Variants in UNC79 observed in about 807,000 individuals in gnomAD.
UNC79 encodes protein unc-79 homolog.
In UNC79, 37 loss-of-function variants were observed where a neutral mutation model predicts 283.1. The ratio of observed to expected loss-of-function variants is 0.13; its 90% CI spans 0.10 to 0.17. UNC79 has a LOEUF of 0.17. UNC79 is among the 10% of genes least tolerant of loss of function. The pLI is 1.00. For missense variants in UNC79, 2,272 were observed against 3,211.1 expected (o/e 0.71, Z 7.07); for synonymous variants, 1,107 against 1,200.2 (o/e 0.92, Z 1.61).
intron 7 of UNC79, among the ~76,000 whole-genome samples, chr14:93,498,806 C>T (rs2059149941): frequency 6.6e-6 from 1 of 152,024 alleles, no homozygotes; most frequent in South Asian, 2.1e-4. Context: ...AAGAAGAAAC[C>T]TATGGCTAAT....
chr14:93,428,086 G>A (rs963898370), upstream of UNC79, among the ~76,000 whole-genome samples: 5 of 152,066 alleles, frequency 3.3e-5, no homozygotes, highest in Admixed American at 2.6e-4. Context: ...AAGAGATAAA[G>A]CAATTATAAT....
intron 1 of UNC79, among the ~76,000 whole-genome samples, chr14:93,408,789 G>A (rs543744014): frequency 7.1e-4 from 108 of 152,300 alleles, no homozygotes; most frequent in African/African-American, 2.4e-3. Context: ...GTTAGTAATG[G>A]GAAAAACTTG....
intron 1 of UNC79, among the ~76,000 whole-genome samples, chr14:93,460,733 T>G (rs989461748): frequency 2.0e-5 from 3 of 152,014 alleles, no homozygotes; most frequent in Non-Finnish European, 4.4e-5. Context: ...ATTAAAGATG[T>G]GTGCACATCT....
intron 1 of UNC79, among the ~76,000 whole-genome samples, chr14:93,355,466 G>C (rs2054067449): frequency 6.6e-6 from 1 of 152,146 alleles, no homozygotes; most frequent in Non-Finnish European, 1.5e-5. Context: ...CAAACTGCTG[G>C]GATTACAGGC....
intron 26 of UNC79, 57 bp from the exon 27 acceptor site, chr14:93,604,839 T>C: frequency 6.7e-7 from 1 of 1,482,754 alleles, no homozygotes; most frequent in Non-Finnish European, 9.0e-7. Context: ...GAGTATATTT[T>C]CTAGGCTCCA....
chr14:93,572,883 A>T (rs1274996582), intron 16 of UNC79, 67 bp downstream of exon 16: 2 of 1,574,574 alleles, frequency 1.3e-6, no homozygotes, highest in Non-Finnish European at 1.7e-6. Context: ...AGATCCCTGG[A>T]TCGAGAGAGT....
rs1238089927 is a variant in UNC79 at position 93,621,502 on chromosome 14, C to G, written c.4388-119C>G. 6.3e-6 allele frequency: 8 copies of G among 1,272,718 alleles called. No individual in the cohort carries two copies. Among genetic ancestry groups the G allele is most frequent in the Admixed American group, 2.9e-5 (1 of 34,502 alleles). 78.8% of individuals were successfully genotyped at this position (1,272,718 alleles called of 1,614,324 possible). A position where few individuals can be genotyped will look rare whatever the true frequency, so the allele number is the denominator to read the frequency against. The stretch of plus-strand genomic sequence containing the variant: ...AAAACTTGGCCAGAAAGTTCGTTTT[C>G]CCTCCTGGTGGAGCTGGGATTGTGA... On this transcript the variant is annotated intron_variant, in intron 29 of 48. Transcript: ENST00000555664. The surrounding 1 kb of genome is among the most constrained non-coding windows in gnomAD (Gnocchi z 4.8).
chr14:93,479,971 CTTCTTAGGAAT>C (rs1182887849), intron 4 of UNC79, among the ~76,000 whole-genome samples: 8 of 152,348 alleles, frequency 5.3e-5, no homozygotes, highest in African/African-American at 1.4e-4. Flanking sequence ...TAAATCCCTC[CTTCTTAGGAAT>C]AAGTTAATAA....
chr14:93,549,641 AC>A (rs1232440196), intron 14 of UNC79, among the ~76,000 whole-genome samples: 4 of 152,242 alleles, frequency 2.6e-5, no homozygotes, highest in Admixed American at 1.3e-4. Context: ...CAGCCTCTGA[AC>A]CAGAATAGAT....
chr14:93,632,348 A>G (rs2068094457), intron 31 of UNC79, among the ~76,000 whole-genome samples: 1 of 152,236 alleles, frequency 6.6e-6, no homozygotes, highest in South Asian at 2.1e-4. Context: ...CAATTTTATG[A>G]CCACATACTA....
intron 41 of UNC79, among the ~76,000 whole-genome samples, chr14:93,674,199 C>T (rs1217684828): frequency 6.6e-6 from 1 of 152,028 alleles, no homozygotes; most frequent in African/African-American, 2.4e-5. Flanking sequence ...GGATCCCACC[C>T]CTTATGATGT....
intron 1 of UNC79, among the ~76,000 whole-genome samples, chr14:93,405,009 G>A (rs2055197797): frequency 6.6e-6 from 1 of 152,002 alleles, no homozygotes; most frequent in African/African-American, 2.4e-5. Context: ...AGAGTCGGGA[G>A]GGGTGGTTCA....
At chr14:93,466,812 T>C (rs2057204826) in intron 1 of UNC79, 1 of 981,634 alleles carries the variant, frequency 1.0e-6, no homozygotes, top group African/African-American at 1.8e-5. Context: ...TCCTTGGGAT[T>C]TGCAAAGAGG....
In UNC79 at chr14:93,550,528, A is replaced by AAAAAAAG. The variant is rs2061830593; in HGVS notation, c.1755+7838_1755+7839insGAAAAAA. Among the ~76,000 whole-genome samples, 2 of 6,884 alleles carry AAAAAAAG rather than the reference A, an allele frequency of 2.9e-4. 1 individual carries two copies. The highest frequency in any genetic ancestry group is 8.4e-4 in the African/African-American group (2 of 2,376). The allele number at this position is 6,884 out of a possible 152,430, so 4.5% of individuals were successfully genotyped here. A position where few individuals can be genotyped will look rare whatever the true frequency, so the allele number is the denominator to read the frequency against. Reference sequence around the variant, plus strand: ...AGACTCCGTATCAAAAAAAAAAAAAAAAAAAAAAAAAAAGAGGAAGGAGTC... The same window carrying AAAAAAAG: ...AGACTCCGTATCAAAAAAAAAAAAAAAAAAAAGAAAAAAAAAAAAAGAGGAAGGAGTC... On this transcript the variant is annotated intron_variant, in intron 14 of 48. Coordinates refer to ENST00000555664, the Ensembl canonical transcript of UNC79.
chr14:93,658,006 T>C (rs1158843108), intron 38 of UNC79, among the ~76,000 whole-genome samples: 1 of 152,122 alleles, frequency 6.6e-6, no homozygotes, highest in Non-Finnish European at 1.5e-5. Flanking sequence ...GAGCAGCCAG[T>C]TTTCAGCCTC....
rs568292828 is a variant in UNC79, at chr14:93,473,713, A to G, written c.144-376A>G. ...GTCTTTTCCTTTGAAAGCTCCTTGT[A>G]ATTAGGAATAAGAGCCCTTACTCAT... On this transcript the variant is annotated intron_variant, in intron 2 of 48. Transcript: ENST00000555664. 2.6e-5 allele frequency among the ~76,000 whole-genome samples: 4 copies of G among 152,318 alleles called. No homozygotes were observed. In the South Asian group the frequency reaches 8.3e-4, roughly 32 times the overall value.
At chr14:93,491,168 C>T (rs1239267083) in intron 5 of UNC79, among the ~76,000 whole-genome samples, 1 of 152,028 alleles carries the variant, frequency 6.6e-6, no homozygotes, top group African/African-American at 2.4e-5. Flanking sequence ...CACTAATCAC[C>T]TCCTAAAGGC....
chr14:93,417,360 T>G (rs1438019926), intron 1 of UNC79, among the ~76,000 whole-genome samples: 1 of 152,358 alleles, frequency 6.6e-6, no homozygotes, highest in African/African-American at 2.4e-5. Flanking sequence ...CCAACTCTCT[T>G]CTGGCTTGTA....
intron 7 of UNC79, among the ~76,000 whole-genome samples, chr14:93,508,205 A>G (rs943202629): frequency 6.0e-5 from 8 of 132,644 alleles, no homozygotes; most frequent in East Asian, 2.2e-4. Flanking sequence ...ATTTCTGTCG[A>G]AAAAAAAAAA....
Sources: gnomAD v4.1 joint callset for allele counts (sites outside exome capture counted in the v4.1 genomes callset) on GRCh38, gnomAD v4.1.1 for gene constraint, Gnocchi (gnomAD v3.1) non-coding constraint, MANE v1.5 for transcripts, NCBI Gene and HGNC (gene_info 2026-07-23, HGNC 2026-07-21) for gene names.